The following ANGPT1 variants were observed in gnomAD, a reference collection of about 807,000 sequenced individuals.
ANGPT1 encodes angiopoietin 1, also known as angiopoietin-1.
Under a neutral mutation model 62.2 loss-of-function variants are expected in ANGPT1, and 17 were observed. That is an observed-to-expected ratio of 0.27 (90% CI 0.19 to 0.41). The LOEUF is 0.41. Ranked by LOEUF, ANGPT1 falls within the 10% of genes least tolerant of loss-of-function variation. ANGPT1 has a pLI of 1.00. For missense variants in ANGPT1, 478 were observed against 594.9 expected (o/e 0.80, Z 2.04); for synonymous variants, 199 against 198.9 (o/e 1.00, Z 0.00).
At chr8:107,326,083 A>G (rs1815281365) in intron 3 of ANGPT1, among the ~76,000 whole-genome samples, 1 of 152,130 alleles carries the variant, frequency 6.6e-6, no homozygotes, top group Admixed American at 6.5e-5. Context: ...TCATCAGACA[A>G]CCTTTAATGC....
At position 107,251,640 on chromosome 8, in the gene ANGPT1, C is replaced by T. The variant is rs984679702; in HGVS notation, c.*215G>A. On this transcript the variant is annotated 3_prime_UTR_variant, in exon 9 of 9. Coordinates refer to ENST00000517746, the MANE Select transcript of ANGPT1 (RefSeq NM_001146.5). Reference sequence around the variant, plus strand: ...GACAGTCAGTGGAGTTTTCTATAGTCGAGCCACGTGAGCACTGTCACCCCA... The same window carrying T: ...GACAGTCAGTGGAGTTTTCTATAGTTGAGCCACGTGAGCACTGTCACCCCA... 9.6e-6 allele frequency: 5 copies of T among 522,536 alleles called. No individual in the cohort carries two copies. Among genetic ancestry groups the T allele is most frequent in the East Asian group, 3.1e-5 (1 of 32,092 alleles). 32.4% of individuals were successfully genotyped at this position (522,536 alleles called of 1,614,324 possible).
At chr8:107,307,839 T>A (rs533538496) in intron 4 of ANGPT1, among the ~76,000 whole-genome samples, 1 of 152,172 alleles carries the variant, frequency 6.6e-6, no homozygotes, top group Non-Finnish European at 1.5e-5. Context: ...TTCAGATTCA[T>A]ATATCTACTT....
intron 1 of ANGPT1, among the ~76,000 whole-genome samples, chr8:107,361,448 T>G (rs1460251156): frequency 6.7e-6 from 1 of 148,470 alleles, no homozygotes; most frequent in Non-Finnish European, 1.5e-5. Context: ...AGAATATATA[T>G]AGATCTATCT....
chr8:107,375,839 G>C (rs1816520843), intron 1 of ANGPT1, among the ~76,000 whole-genome samples: 1 of 152,188 alleles, frequency 6.6e-6, no homozygotes, highest in African/African-American at 2.4e-5. Flanking sequence ...GGGAGGCCCA[G>C]AGAAAGGGCC....
In ANGPT1 at chr8:107,497,870, T is replaced by C. The variant is rs1813159231; in HGVS notation, c.-312A>G. On this transcript the variant is annotated 5_prime_UTR_variant, in exon 1 of 9. Coordinates refer to ENST00000517746, the MANE Select transcript of ANGPT1 (RefSeq NM_001146.5). ...ATGGAGCCTGCCTGAGTCAGCTGCG[T>C]GTACATATTCTAGACCCTTTCCTCT... 1.9e-6 allele frequency: 1 copy of C among 513,726 alleles called. No homozygotes were observed. The highest frequency in any genetic ancestry group is 3.7e-5 in the Admixed American group (1 of 26,904). 31.8% of individuals were successfully genotyped at this position (513,726 alleles called of 1,614,324 possible). A position where few individuals can be genotyped will look rare whatever the true frequency, so the allele number is the denominator to read the frequency against.
intron 1 of ANGPT1, among the ~76,000 whole-genome samples, chr8:107,465,462 G>A (rs1812175919): frequency 6.6e-6 from 1 of 152,050 alleles, no homozygotes; most frequent in African/African-American, 2.4e-5. Flanking sequence ...TCTTTAAATT[G>A]CATATTATAT....
At chr8:107,368,258 T>C (rs1284726589) in intron 1 of ANGPT1, among the ~76,000 whole-genome samples, 1 of 152,188 alleles carries the variant, frequency 6.6e-6, no homozygotes, top group Non-Finnish European at 1.5e-5. Flanking sequence ...GCATTGTCAA[T>C]GAACAGTAAT....
intron 5 of ANGPT1, among the ~76,000 whole-genome samples, chr8:107,300,111 A>C (rs1814550342): frequency 1.4e-5 from 2 of 145,360 alleles, no homozygotes; most frequent in South Asian, 2.1e-4. Flanking sequence ...CTATATATCT[A>C]TATATAGTAT....
chr8:107,255,460 C>A lies in ANGPT1; in HGVS notation c.1337-3445G>T, dbSNP rs544653742. Among the ~76,000 whole-genome samples, 8 of 152,244 alleles carry A rather than the reference C, an allele frequency of 5.3e-5. No homozygotes were observed. The East Asian group carries it at 1.4e-3, about 26-fold the overall frequency. ...CATTTTCTTTTGGGCAATGGGAAGC[C>A]TGGAGAGCGCCGGAGCAGAAGTTAG... On this transcript the variant is annotated intron_variant, in intron 8 of 8. Transcript: ENST00000517746.
chr8:107,372,737 G>A (rs1490407877), intron 1 of ANGPT1, among the ~76,000 whole-genome samples: 1 of 151,798 alleles, frequency 6.6e-6, no homozygotes, highest in Non-Finnish European at 1.5e-5. Flanking sequence ...CTCCAGTGAG[G>A]AGGAAACAAC....
At chr8:107,423,870 T>C (rs1358455225) in intron 1 of ANGPT1, among the ~76,000 whole-genome samples, 3 of 136,362 alleles carry the variant, frequency 2.2e-5, no homozygotes, top group African/African-American at 8.4e-5. Flanking sequence ...AGACAGAGTC[T>C]TGCTCTGTCA....
At chr8:107,412,786 C>G (rs1206591310) in intron 1 of ANGPT1, among the ~76,000 whole-genome samples, 1 of 152,094 alleles carries the variant, frequency 6.6e-6, no homozygotes, top group East Asian at 1.9e-4. Context: ...CTCACTTTGC[C>G]TAAGAGTCAA....
intron 1 of ANGPT1, among the ~76,000 whole-genome samples, chr8:107,426,753 A>T (rs924457303): frequency 6.6e-6 from 1 of 152,198 alleles, no homozygotes; most frequent in Non-Finnish European, 1.5e-5. Flanking sequence ...TAAACATAGC[A>T]CTCAAAAAGG....
chr8:107,336,818 G>T (rs911217396), intron 2 of ANGPT1, among the ~76,000 whole-genome samples: 1 of 144,932 alleles, frequency 6.9e-6, no homozygotes, highest in Non-Finnish European at 1.5e-5. Context: ...TAAAACCCTA[G>T]GATATTCTCC....
intron 1 of ANGPT1, among the ~76,000 whole-genome samples, chr8:107,386,338 C>T (rs1432587950): frequency 6.6e-6 from 1 of 151,978 alleles, no homozygotes; most frequent in Non-Finnish European, 1.5e-5. Context: ...CAAACCCCTG[C>T]AACATGCAAT....
At chr8:107,332,461 G>A (rs945043035) in intron 3 of ANGPT1, among the ~76,000 whole-genome samples, 1 of 152,168 alleles carries the variant, frequency 6.6e-6, no homozygotes, top group South Asian at 2.1e-4. Flanking sequence ...CAGAGCAAAC[G>A]TTGCTAATCC....
At chr8:107,285,259 A>C (rs924510283) in intron 6 of ANGPT1, among the ~76,000 whole-genome samples, 2 of 152,174 alleles carry the variant, frequency 1.3e-5, no homozygotes, top group African/African-American at 4.8e-5. Context: ...AAGTTATTTA[A>C]CAATATTATT....
chr8:107,342,053 A>G (rs973151392), intron 2 of ANGPT1, among the ~76,000 whole-genome samples: 1 of 152,156 alleles, frequency 6.6e-6, no homozygotes, highest in African/African-American at 2.4e-5. Flanking sequence ...TGCTTCTCAG[A>G]GTACGGAAAA....
intron 1 of ANGPT1, among the ~76,000 whole-genome samples, chr8:107,471,794 T>C (rs1039504754): frequency 6.6e-6 from 1 of 152,122 alleles, no homozygotes; most frequent in Non-Finnish European, 1.5e-5. Context: ...ATCTGATTTA[T>C]CATCTTAAGG....
Sources: gnomAD v4.1 joint callset for allele counts (sites outside exome capture counted in the v4.1 genomes callset) on GRCh38, gnomAD v4.1.1 for gene constraint, MANE v1.5 for transcripts, NCBI Gene and HGNC (gene_info 2026-07-23, HGNC 2026-07-21) for gene names.